DDR2: variants seen among roughly 807,000 people sequenced by gnomAD.
DDR2 encodes discoidin domain-containing receptor 2.
A neutral mutation model predicts 94.9 loss-of-function variants in DDR2; 27 were observed. The observed-to-expected ratio is 0.28, with a 90% CI of 0.21 to 0.39. The LOEUF (loss-of-function observed/expected upper bound fraction) is 0.39. Among genes scored for constraint, DDR2 ranks in the 10% least tolerant of loss-of-function variants. DDR2 has a pLI of 1.00. For synonymous variants in DDR2, 382 were observed against 377.2 expected (o/e 1.01, Z -0.15); for missense variants, 783 against 1,076.0 (o/e 0.73, Z 3.81).
chr1:162,783,791 T>G lies in DDR2; in HGVS notation c.*3545T>G, dbSNP rs1298649568. On this transcript the variant is annotated 3_prime_UTR_variant, in exon 18 of 18. Transcript: ENST00000367921. ...CAACCATCGGGGAATGACCTTTTCA[T>G]TTCAGAAGTGGATGAGGAAGGTGGT... 1.3e-5 allele frequency: 2 copies of G among 152,214 alleles called. No homozygotes were observed. Among genetic ancestry groups the G allele is most frequent in the Non-Finnish European group, 2.9e-5 (2 of 68,034 alleles). 9.4% of individuals were successfully genotyped at this position (152,214 alleles called of 1,614,324 possible).
chr1:162,717,236 A>G (rs1324673051), intron 2 of DDR2, among the ~76,000 whole-genome samples: 3 of 152,130 alleles, frequency 2.0e-5, no homozygotes, highest in Non-Finnish European at 4.4e-5. Context: ...GGGTTTCACC[A>G]TGATGGCCAG....
intron 9 of DDR2, among the ~76,000 whole-genome samples, chr1:162,764,796 C>T (rs1663914509): frequency 6.7e-6 from 1 of 149,510 alleles, no homozygotes; most frequent in Non-Finnish European, 1.5e-5. Context: ...CACTGCACTC[C>T]AGCCTGGGTG....
At chr1:162,762,993 C>CAT (rs1558072374) in intron 9 of DDR2, among the ~76,000 whole-genome samples, 4 of 152,018 alleles carry the variant, frequency 2.6e-5, no homozygotes, top group Non-Finnish European at 4.4e-5. Context: ...CCTGCCACTG[C>CAT]GCCTGGCTAG....
rs1297980365 is a variant in DDR2 at position 162,783,531 on chromosome 1, C to G, written c.*3285C>G. The G allele has an allele frequency of 6.6e-6, 1 of 152,064 alleles. No individual in the cohort carries two copies. Among genetic ancestry groups the G allele is most frequent in the Non-Finnish European group, 1.5e-5 (1 of 68,026 alleles). The allele number at this position is 152,064 out of a possible 1,614,324, so 9.4% of individuals were successfully genotyped here. ...AAGGTCAAGTCGAGCAAGGTAGAAA[C>G]AGGAGTAGCTAGAGCCATTGGGAAT... On this transcript the variant is annotated 3_prime_UTR_variant, in exon 18 of 18. Coordinates refer to ENST00000367921, the MANE Select transcript of DDR2 (RefSeq NM_006182.4).
chr1:162,767,398 T>C, intron 11 of DDR2, 39 bp downstream of exon 11: 1 of 1,610,946 alleles, frequency 6.2e-7, no homozygotes, highest in Non-Finnish European at 8.5e-7. Flanking sequence ...AAGAAACTGC[T>C]CCTTTCTTTC....
At chr1:162,651,826 G>A (rs1335819980) in intron 1 of DDR2, among the ~76,000 whole-genome samples, 2 of 152,166 alleles carry the variant, frequency 1.3e-5, no homozygotes, top group Non-Finnish European at 2.9e-5. Flanking sequence ...ACTCTTTGGT[G>A]TTTTGTCATT....
At chr1:162,693,323 T>C (rs1414417117) in intron 2 of DDR2, among the ~76,000 whole-genome samples, 3 of 152,220 alleles carry the variant, frequency 2.0e-5, no homozygotes, top group Non-Finnish European at 4.4e-5. Context: ...CTTACATTTT[T>C]ATTAGCTAAA....
At chr1:162,724,782 G>A (rs901678981) in intron 3 of DDR2, among the ~76,000 whole-genome samples, 3 of 151,806 alleles carry the variant, frequency 2.0e-5, no homozygotes, top group East Asian at 1.9e-4. Flanking sequence ...TGGGTGGCGC[G>A]GGGGTGTAGT....
At chr1:162,775,875 G>A in intron 15 of DDR2, 32 bp downstream of exon 15, 1 of 1,612,562 alleles carries the variant, frequency 6.2e-7, no homozygotes, top group Non-Finnish European at 8.5e-7. Flanking sequence ...TCTCCTCCCT[G>A]TGGTCATGAG....
chr1:162,730,609 G>A (rs1016798073), intron 3 of DDR2, among the ~76,000 whole-genome samples: 2 of 152,170 alleles, frequency 1.3e-5, no homozygotes, highest in Non-Finnish European at 2.9e-5. Flanking sequence ...TTGCCCATAG[G>A]ACAAATCCAC....
intron 2 of DDR2, among the ~76,000 whole-genome samples, chr1:162,692,018 G>A (rs944912616): frequency 6.6e-6 from 1 of 152,176 alleles, no homozygotes; most frequent in East Asian, 1.9e-4. Context: ...GTGCCTTCAG[G>A]TCATGGGGAA....
At position 162,684,862 on chromosome 1, in the gene DDR2, A is replaced by G. The variant is rs1362612648; in HGVS notation, c.-28+29488A>G. Among the ~76,000 whole-genome samples, 2 of 140,080 alleles carry G rather than the reference A, an allele frequency of 1.4e-5. 1 individual carries two copies. Among genetic ancestry groups the G allele is most frequent in the East Asian group, 4.1e-4 (2 of 4,856 alleles). 91.9% of individuals were successfully genotyped at this position (140,080 alleles called of 152,430 possible). A position where few individuals can be genotyped will look rare whatever the true frequency, so the allele number is the denominator to read the frequency against. ...ACACACACACACACACACATACATG[A>G]ATAGCACCCTTAGCACCATTGCTAC... is the stretch of plus-strand genomic sequence containing the variant. On this transcript the variant is annotated intron_variant, in intron 2 of 17. Transcript: ENST00000367921.
intron 2 of DDR2, among the ~76,000 whole-genome samples, chr1:162,683,066 A>G (rs1571192848): frequency 2.0e-5 from 3 of 152,368 alleles, no homozygotes; most frequent in East Asian, 1.9e-4. Context: ...TATTCTAAGT[A>G]TGCAAGACTG....
chr1:162,719,205 A>T (rs1170344129), intron 3 of DDR2, 60 bp downstream of exon 3: 1 of 1,612,000 alleles, frequency 6.2e-7, no homozygotes, highest in Admixed American at 1.7e-5. Context: ...AAACCCATCA[A>T]TGTTCAATGG....
At chr1:162,650,904 T>C (rs1342517387) in intron 1 of DDR2, among the ~76,000 whole-genome samples, 1 of 152,110 alleles carries the variant, frequency 6.6e-6, no homozygotes, top group African/African-American at 2.4e-5. Flanking sequence ...AATTTTTGTA[T>C]TTTTAGTAGA....
intron 9 of DDR2, among the ~76,000 whole-genome samples, chr1:162,762,067 A>G (rs1217890074): frequency 6.6e-6 from 1 of 152,216 alleles, no homozygotes; most frequent in East Asian, 1.9e-4. Context: ...TCCATATTCA[A>G]GTATGACTAA....
intron 3 of DDR2, among the ~76,000 whole-genome samples, chr1:162,743,895 T>C (rs1662726473): frequency 6.6e-6 from 1 of 152,242 alleles, no homozygotes; most frequent in South Asian, 2.1e-4. Flanking sequence ...AGGAAACAAC[T>C]GATCTCTTTC....
chr1:162,760,904 T>TA (rs1051891568), intron 8 of DDR2, among the ~76,000 whole-genome samples: 12 of 151,998 alleles, frequency 7.9e-5, no homozygotes, highest in African/African-American at 2.9e-4. Flanking sequence ...TGTGTGTATC[T>TA]ATACACATAG....
intron 1 of DDR2, among the ~76,000 whole-genome samples, chr1:162,636,372 G>A (rs1033301491): frequency 1.8e-4 from 28 of 152,118 alleles, no homozygotes; most frequent in African/African-American, 6.5e-4. Flanking sequence ...AGTTTAGCTG[G>A]GCTTCTCCTG....
Sources: gnomAD v4.1 joint callset for allele counts (sites outside exome capture counted in the v4.1 genomes callset) on GRCh38, gnomAD v4.1.1 for gene constraint, MANE v1.5 for transcripts, NCBI Gene and HGNC (gene_info 2026-07-23, HGNC 2026-07-21) for gene names.